CRHR1: variants seen among roughly 807,000 people sequenced by gnomAD.
CRHR1 encodes corticotropin releasing hormone receptor 1, also known as corticotropin-releasing hormone receptor 1.
CRHR1 carries 28 observed loss-of-function variants against 56.0 expected under a neutral mutation model. The ratio of observed to expected loss-of-function variants is 0.50; its 90% CI spans 0.37 to 0.69. CRHR1 has a LOEUF of 0.69. Ranked by LOEUF, CRHR1 falls within the 30% of genes least tolerant of loss-of-function variation. The pLI, the probability that CRHR1 is intolerant of heterozygous loss-of-function variation, is 0.00. For missense variants in CRHR1, 376 were observed against 548.0 expected, an observed-to-expected ratio of 0.69 and a Z score of 3.13; for synonymous variants, 195 against 216.5, an observed-to-expected ratio of 0.90 and a Z score of 0.87.
intron 6 of CRHR1, 32 bp from the exon 7 acceptor site, chr17:45,830,382 CCCA>C (rs1402331648): frequency 6.3e-7 from 1 of 1,590,450 alleles, no homozygotes; most frequent in African/African-American, 1.3e-5. Context: ...TCCCCTGCCC[CCCA>C]TCATCATCTC....
intron 2 of CRHR1, 69 bp from the exon 3 acceptor site, chr17:45,816,394 A>G: frequency 3.8e-6 from 6 of 1,592,266 alleles, no homozygotes; most frequent in East Asian, 2.2e-5. Context: ...GAACTCTGGA[A>G]TGTCCTCTGC....
intron 8 of CRHR1, 105 bp from the exon 9 acceptor site, chr17:45,833,033 C>A: frequency 2.0e-6 from 2 of 987,644 alleles, no homozygotes; most frequent in Non-Finnish European, 3.2e-6. Flanking sequence ...ACATCTACCT[C>A]TTGGCCTCCA....
chr17:45,833,879 T>C, intron 11 of CRHR1, 30 bp downstream of exon 11: 1 of 1,612,568 alleles, frequency 6.2e-7, no homozygotes, highest in Non-Finnish European at 8.5e-7. Context: ...CATCAGCACC[T>C]CCTTGGGTGG....
Position 45,833,476 on chromosome 17 carries a change from A to G in CRHR1, c.868A>G (p.Ile290Val), listed in dbSNP as rs2062364042. 38 of 1,613,820 alleles carry G rather than the reference A, an allele frequency of 2.4e-5. No individual in the cohort carries two copies. The highest frequency in any genetic ancestry group is 3.1e-5 in the Non-Finnish European group (37 of 1,180,002). ...GATCAATTTCATCTTCCTTTTCAACATCGTCCGCATCCTCATGACCAAGCT... is the reference window on the plus strand; with the variant it reads ...GATCAATTTCATCTTCCTTTTCAACGTCGTCCGCATCCTCATGACCAAGCT... Reference protein sequence around the residue: ...LLINFIFLFNIVRILMTKLRA... With the variant: ...LLINFIFLFNVVRILMTKLRA... Residue 290 changes from isoleucine to valine, a missense_variant, in exon 10 of 13, where the codon ATC becomes GTC. Transcript: ENST00000314537.
intron 2 of CRHR1, among the ~76,000 whole-genome samples, chr17:45,812,182 A>G (rs1189327351): frequency 1.3e-5 from 2 of 152,250 alleles, no homozygotes; most frequent in African/African-American, 2.4e-5. Flanking sequence ...AATAGCTGTT[A>G]TACTGTACTG....
rs1352680194 is a variant in CRHR1, at chr17:45,830,690, G to A, written c.709+120G>A. On this transcript the variant is annotated intron_variant, in intron 7 of 12. Coordinates refer to ENST00000314537, the MANE Select transcript of CRHR1 (RefSeq NM_004382.5). ...GATGGAGGTCGGGTTGGGGCGGTAAGGTGTGCACGATAGCCCTCTGCTCCT... is the reference window on the plus strand; with the variant it reads ...GATGGAGGTCGGGTTGGGGCGGTAAAGTGTGCACGATAGCCCTCTGCTCCT... The A allele has an allele frequency of 3.7e-6, 5 of 1,344,188 alleles. No individual in the cohort carries two copies. The Admixed American group carries it at 8.8e-5, about 24-fold the overall frequency. The allele number at this position is 1,344,188 out of a possible 1,614,324, so 83.3% of individuals were successfully genotyped here. A position where few individuals can be genotyped will look rare whatever the true frequency, so the allele number is the denominator to read the frequency against.
chr17:45,790,093 C>T (rs762121411), intron 1 of CRHR1, among the ~76,000 whole-genome samples: 22 of 152,128 alleles, frequency 1.4e-4, no homozygotes, highest in Non-Finnish European at 2.9e-4. Flanking sequence ...TCTCTTCCTG[C>T]GTCAGAGCAC....
At chr17:45,821,260 C>A in intron 3 of CRHR1, 95 bp from the exon 4 acceptor site, 1 of 1,115,450 alleles carries the variant, frequency 9.0e-7, no homozygotes. Context: ...CTGTACTGGC[C>A]ATCTACAGAT....
intron 1 of CRHR1, among the ~76,000 whole-genome samples, chr17:45,789,372 ATTT>A (rs66531491): frequency 6.9e-6 from 1 of 144,296 alleles, no homozygotes; most frequent in African/African-American, 2.5e-5. Flanking sequence ...GTCCCTAGGA[ATTT>A]TTTTTTTTTT....
chr17:45,806,726 T>A (rs1223541781), intron 1 of CRHR1, among the ~76,000 whole-genome samples: 2 of 151,630 alleles, frequency 1.3e-5, no homozygotes, highest in Non-Finnish European at 2.9e-5. Flanking sequence ...CCCCTAGGGG[T>A]AAAATTCGCC....
At chr17:45,825,089 T>C (rs1367432334) in intron 4 of CRHR1, among the ~76,000 whole-genome samples, 1 of 152,188 alleles carries the variant, frequency 6.6e-6, no homozygotes, top group Non-Finnish European at 1.5e-5. Context: ...CAGAGGAAAG[T>C]ATCCAATTAA....
Position 45,794,890 on chromosome 17 carries a change from G to T in CRHR1, c.33+10313G>T, listed in dbSNP as rs537654825. 9.3e-4 allele frequency among the ~76,000 whole-genome samples: 141 copies of T among 152,358 alleles called. 1 individual carries two copies. Among genetic ancestry groups the T allele is most frequent in the African/African-American group, 3.1e-3 (129 of 41,590 alleles). ...TCTGCCTCCTGCCTCTGAGGTGCCG[G>T]CCCTGGAGAGGCTCTGGTGGAGCCT... On this transcript the variant is annotated intron_variant, in intron 1 of 12. Coordinates refer to ENST00000314537, the MANE Select transcript of CRHR1 (RefSeq NM_004382.5).
chr17:45,810,992 G>T (rs768648715), intron 2 of CRHR1, among the ~76,000 whole-genome samples: 40 of 152,374 alleles, frequency 2.6e-4, no homozygotes, highest in Non-Finnish European at 5.1e-4. Context: ...TGGACAGCCT[G>T]GGCTGAGTCC....
At chr17:45,786,092 G>T (rs1186197599) in intron 1 of CRHR1, among the ~76,000 whole-genome samples, 2 of 151,460 alleles carry the variant, frequency 1.3e-5, no homozygotes, top group Admixed American at 1.3e-4. Flanking sequence ...TCTTTTAAAT[G>T]GATTCAAAGA....
Position 45,830,574 on chromosome 17 carries a change from A to T in CRHR1, c.709+4A>T. On this transcript the variant is annotated splice_donor_region_variant and intron_variant, in intron 7 of 12. Coordinates refer to ENST00000314537, the MANE Select transcript of CRHR1 (RefSeq NM_004382.5). ...ATGTTCATCTGCATTGGCTGGGGTG[A>T]GCTGGGCAGCCACCTCCGCAGCCTG... The T allele has an allele frequency of 6.2e-7, 1 of 1,602,210 alleles. No homozygotes were observed. Among genetic ancestry groups the T allele is most frequent in the Non-Finnish European group, 8.5e-7 (1 of 1,173,266 alleles).
chr17:45,829,586 C>G, intron 5 of CRHR1: 2 of 1,550,754 alleles, frequency 1.3e-6, no homozygotes, highest in East Asian at 2.4e-5. Context: ...TTGGGGTGAC[C>G]AGGCAGATGG....
At chr17:45,795,133 G>T (rs1190940087) in intron 1 of CRHR1, among the ~76,000 whole-genome samples, 1 of 152,208 alleles carries the variant, frequency 6.6e-6, no homozygotes, top group South Asian at 2.1e-4. Context: ...GGCCAGGAAA[G>T]GTCGTTTCCA....
chr17:45,829,341 G>A lies in CRHR1; in HGVS notation c.434+20G>A. The A allele has an allele frequency of 6.3e-7, 1 of 1,593,264 alleles. No homozygotes were observed. Among genetic ancestry groups the A allele is most frequent in the African/African-American group, 1.3e-5 (1 of 74,624 alleles). ...GCTCAGGTGAGAAGACCCCAGCACT[G>A]CCTCCTCCTGTCCCCAGGACCTAGA... On this transcript the variant is annotated intron_variant, in intron 5 of 12. Coordinates refer to ENST00000314537, the MANE Select transcript of CRHR1 (RefSeq NM_004382.5).
intron 1 of CRHR1, among the ~76,000 whole-genome samples, chr17:45,787,788 G>A (rs990426345): frequency 2.0e-5 from 3 of 152,198 alleles, no homozygotes; most frequent in Non-Finnish European, 1.5e-5. Context: ...TTGATTAAAC[G>A]ATATAGAGCC....
Sources: gnomAD v4.1 joint callset for allele counts (sites outside exome capture counted in the v4.1 genomes callset) on GRCh38, gnomAD v4.1.1 for gene constraint, MANE v1.5 for transcripts, NCBI Gene and HGNC (gene_info 2026-07-23, HGNC 2026-07-21) for gene names.